PRKCQ: variants seen among roughly 807,000 people sequenced by gnomAD.
PRKCQ encodes the protein protein kinase C theta type.
In PRKCQ, 41 loss-of-function variants were observed where a neutral mutation model predicts 91.2. The observed-to-expected ratio is 0.45, with a 90% CI of 0.35 to 0.58. PRKCQ has a LOEUF of 0.58. Ranked by LOEUF, PRKCQ falls within the 20% of genes least tolerant of loss-of-function variation. The probability of loss-of-function intolerance (pLI) is 0.00; values close to 1 mark genes in which losing one functional copy is unlikely to be tolerated. For synonymous variants in PRKCQ, 307 were observed against 316.9 expected (o/e 0.97, Z 0.33); for missense variants, 673 against 896.5 (o/e 0.75, Z 3.18).
intron 15 of PRKCQ, among the ~76,000 whole-genome samples, chr10:6,451,793 A>T (rs762706562): frequency 1.3e-4 from 20 of 152,238 alleles, no homozygotes; most frequent in Non-Finnish European, 2.8e-4. Context: ...CAATAAATGT[A>T]ATCCAGCATA....
chr10:6,483,463 A>G lies in PRKCQ; in HGVS notation c.1156T>C (p.Leu386=), dbSNP rs756224517. The G allele has an allele frequency of 1.9e-6, 3 of 1,614,008 alleles. No homozygotes were observed. The highest frequency in any genetic ancestry group is 2.2e-5 in the East Asian group (1 of 44,888). The part of the protein sequence containing the change: ...KIEDFILHKM[L]GKGSFGKVFL... Reference sequence around the variant, plus strand: ...ACCTTGCCAAAACTTCCTTTCCCCAACATTTTGTGCAAGATAAAATCCTCA... The same window carrying G: ...ACCTTGCCAAAACTTCCTTTCCCCAGCATTTTGTGCAAGATAAAATCCTCA... The change falls in exon 11 of 18, where the codon TTG becomes CTG. Residue 386 remains leucine, a synonymous_variant. Coordinates refer to ENST00000263125, the MANE Select transcript of PRKCQ (RefSeq NM_006257.5).
At chr10:6,491,599 A>G (rs765504303) in intron 8 of PRKCQ, 84 bp downstream of exon 8, 64 of 1,556,424 alleles carry the variant, frequency 4.1e-5, no homozygotes, top group Non-Finnish European at 5.4e-5. Flanking sequence ...TACCCCCTAC[A>G]TCCTCCCTCC....
the PRKCQ span, among the ~76,000 whole-genome samples, chr10:6,410,944 T>C: frequency 8.0e-6 from 1 of 124,632 alleles, no homozygotes; most frequent in Admixed American, 1.1e-4. Flanking sequence ...ACCACTGCAC[T>C]CCAGCCCAGG....
intron 11 of PRKCQ, among the ~76,000 whole-genome samples, chr10:6,481,147 G>T (rs1458538208): frequency 6.6e-6 from 1 of 152,210 alleles, no homozygotes; most frequent in Non-Finnish European, 1.5e-5. Flanking sequence ...GAAGTAGACA[G>T]CTTTGGACAT....
intron 2 of PRKCQ, among the ~76,000 whole-genome samples, chr10:6,511,744 G>T (rs1386209421): frequency 2.0e-5 from 3 of 152,180 alleles, no homozygotes; most frequent in African/African-American, 7.2e-5. Flanking sequence ...ATGATCTGGT[G>T]AGTTTCAGTT....
chr10:6,440,655 CAGAGG>C lies in PRKCQ; in HGVS notation c.1836+1233_1836+1237del, dbSNP rs371821227. ...GCAGCTGCCAATCACGAGCTCTGAG[CAGAGG>C]AAAGGAAGCAGGAGTCCCAGCTTTA... On this transcript the variant is annotated intron_variant, in intron 16 of 17. Coordinates refer to ENST00000263125, the MANE Select transcript of PRKCQ (RefSeq NM_006257.5). Among the ~76,000 whole-genome samples, 660 of 152,208 alleles carry C rather than the reference CAGAGG, an allele frequency of 4.3e-3. 6 individuals carry two copies. The highest frequency in any genetic ancestry group is 0.014 in the Middle Eastern group (4 of 294).
At position 6,447,551 on chromosome 10, in the gene PRKCQ, G is replaced by A. The variant is rs539175807; in HGVS notation, c.1648-5470C>T. On this transcript the variant is annotated intron_variant, in intron 15 of 17. Transcript: ENST00000263125. ...GGGGGAACAGTGGGGCTTTTGAGAC[G>A]CACTTTAGCTCTCAGGAGGTGCAGC... is the stretch of plus-strand genomic sequence containing the variant. 2.0e-5 allele frequency among the ~76,000 whole-genome samples: 3 copies of A among 152,252 alleles called. No individual in the cohort carries two copies. In the South Asian group the frequency reaches 6.2e-4, roughly 32 times the overall value.
Position 6,491,825 on chromosome 10 carries a change from C to T in PRKCQ, c.661-13G>A, listed in dbSNP as rs772823323. The T allele has an allele frequency of 6.2e-7, 1 of 1,614,104 alleles. No individual in the cohort carries two copies. Among genetic ancestry groups the T allele is most frequent in the Non-Finnish European group, 8.5e-7 (1 of 1,179,990 alleles). ...TCTCCTTGTGGAACTGAAAGAAAGG[C>T]AGAAGGTGAAATCTGTGTATTCCTG... On this transcript the variant is annotated splice_polypyrimidine_tract_variant and intron_variant, in intron 7 of 17. Transcript: ENST00000263125.
the PRKCQ span, among the ~76,000 whole-genome samples, chr10:6,415,665 C>G: frequency 6.6e-6 from 1 of 151,370 alleles, no homozygotes; most frequent in South Asian, 2.1e-4. Flanking sequence ...TATGTTTGTA[C>G]TATTCTGGGA....
At chr10:6,514,637 T>C (rs372650085) in intron 2 of PRKCQ, among the ~76,000 whole-genome samples, 2 of 152,264 alleles carry the variant, frequency 1.3e-5, no homozygotes, top group East Asian at 3.8e-4. Context: ...TGGAAGATTA[T>C]GCAGTCTTAA....
intron 4 of PRKCQ, 81 bp from the exon 5 acceptor site, chr10:6,498,639 G>T: frequency 7.1e-7 from 1 of 1,415,306 alleles, no homozygotes; most frequent in South Asian, 1.3e-5. Flanking sequence ...AGGGGAGGGA[G>T]ATGGGCAAGG....
At chr10:6,408,844 C>G in the PRKCQ span, among the ~76,000 whole-genome samples, 1 of 152,208 alleles carries the variant, frequency 6.6e-6, no homozygotes, top group South Asian at 2.1e-4. Flanking sequence ...ATGCTGCTCT[C>G]CATATTCTTA....
chr10:6,428,389 AAAGAG>A, intron 17 of PRKCQ, 27 bp from the exon 18 acceptor site: 1 of 1,601,192 alleles, frequency 6.2e-7, no homozygotes, highest in Non-Finnish European at 8.5e-7. Flanking sequence ...GGGAAGAAAG[AAAGAG>A]AAGAAAAATC....
chr10:6,510,982 T>C lies in PRKCQ; in HGVS notation c.318+13A>G, dbSNP rs1838442957. 6.2e-7 allele frequency: 1 copy of C among 1,614,026 alleles called. No homozygotes were observed. Among genetic ancestry groups the C allele is most frequent in the Non-Finnish European group, 8.5e-7 (1 of 1,179,916 alleles). ...GCTTATCCCTTATGTGCATACACTT[T>C]ATGCAACGTTACCCATATTTCTGTC... On this transcript the variant is annotated intron_variant, in intron 3 of 17. Coordinates refer to ENST00000263125, the MANE Select transcript of PRKCQ (RefSeq NM_006257.5).
intron 1 of PRKCQ, among the ~76,000 whole-genome samples, chr10:6,568,292 T>C (rs565737820): frequency 6.6e-6 from 1 of 152,284 alleles, no homozygotes; most frequent in East Asian, 1.9e-4. Flanking sequence ...ATTATGATTT[T>C]GTTTTGAAGA....
At chr10:6,400,718 G>GA in the PRKCQ span, among the ~76,000 whole-genome samples, 1,194 of 136,376 alleles carry the variant, frequency 8.8e-3, 26 homozygotes, top group Admixed American at 0.052. Context: ...TTAAGAAACT[G>GA]AAAAAAAAAA....
At chr10:6,486,881 C>T (rs760992331) in intron 8 of PRKCQ, among the ~76,000 whole-genome samples, 2 of 152,140 alleles carry the variant, frequency 1.3e-5, no homozygotes, top group Admixed American at 6.5e-5. Context: ...ACGGTGGAGC[C>T]GGAGTGTATA....
chr10:6,491,370 A>T (rs1837286405), intron 8 of PRKCQ, among the ~76,000 whole-genome samples: 1 of 152,198 alleles, frequency 6.6e-6, no homozygotes, highest in Non-Finnish European at 1.5e-5. Context: ...TAGTAGAAAG[A>T]CCAGTGAGAG....
At chr10:6,579,638 C>T (rs774100700) in intron 1 of PRKCQ, among the ~76,000 whole-genome samples, 3 of 122,498 alleles carry the variant, frequency 2.4e-5, no homozygotes, top group African/African-American at 9.8e-5. Flanking sequence ...GGAATGAGCA[C>T]GCAGATTTTT....
Sources: allele counts gnomAD v4.1 joint callset (sites outside exome capture counted in the v4.1 genomes callset), GRCh38; gene constraint gnomAD v4.1.1; transcripts MANE v1.5; gene names NCBI Gene and HGNC (gene_info 2026-07-23, HGNC 2026-07-21).